PDSS2: variants seen among roughly 807,000 people sequenced by gnomAD.
The protein encoded by PDSS2 is decaprenyl diphosphate synthase subunit 2, also known as all trans-polyprenyl-diphosphate synthase PDSS2.
Under a neutral mutation model 44.5 loss-of-function variants are expected in PDSS2, and 31 were observed. The ratio of observed to expected loss-of-function variants is 0.70; its 90% CI spans 0.52 to 0.94. The LOEUF is 0.94. PDSS2 is among the 40% of genes least tolerant of loss of function. The pLI, the probability that PDSS2 is intolerant of heterozygous loss-of-function variation, is 0.00. For missense variants in PDSS2, 452 were observed against 482.2 expected (o/e 0.94, Z 0.59); for synonymous variants, 157 against 180.3 (o/e 0.87, Z 1.03).
chr6:107,315,943 A>C (rs573238121), intron 2 of PDSS2, among the ~76,000 whole-genome samples: 1 of 152,344 alleles, frequency 6.6e-6, no homozygotes, highest in Admixed American at 6.5e-5. Flanking sequence ...AAATCCTTTA[A>C]AAATGCTCTT....
intron 1 of PDSS2, among the ~76,000 whole-genome samples, chr6:107,447,177 C>CA (rs1232207910): frequency 1.2e-3 from 175 of 150,988 alleles, no homozygotes; most frequent in African/African-American, 3.7e-3. Flanking sequence ...ATTAAAAATA[C>CA]AAAAAAAAAT....
At chr6:107,368,684 T>A (rs1037228332) in intron 1 of PDSS2, among the ~76,000 whole-genome samples, 5 of 151,978 alleles carry the variant, frequency 3.3e-5, no homozygotes, top group African/African-American at 1.2e-4. Context: ...CAAGACCCCA[T>A]TCTCTACAAA....
intron 7 of PDSS2, among the ~76,000 whole-genome samples, chr6:107,174,718 CTTAA>C (rs1478984014): frequency 2.0e-5 from 3 of 152,114 alleles, no homozygotes; most frequent in African/African-American, 7.2e-5. Context: ...ATTCACCGAT[CTTAA>C]TTAAACATCT....
At chr6:107,257,104 T>C (rs1030660447) in intron 3 of PDSS2, among the ~76,000 whole-genome samples, 1 of 150,252 alleles carries the variant, frequency 6.7e-6, no homozygotes, top group African/African-American at 2.5e-5. Flanking sequence ...CTCTAGAACC[T>C]TGGAAGTGGA....
rs1773725029 is a variant in PDSS2 at position 107,224,618 on chromosome 6, A to G, written c.703-12336T>C. On this transcript the variant is annotated intron_variant, in intron 4 of 7. Transcript: ENST00000369037. ...AGAGTAAAATATATATAGAGAGAGT[A>G]AAATATACATCTTCACTTATATGCA... Among the ~76,000 whole-genome samples, 4 of 151,412 alleles carry G rather than the reference A, an allele frequency of 2.6e-5. No individual in the cohort carries two copies. In the South Asian group the frequency reaches 8.3e-4, roughly 31 times the overall value.
intron 2 of PDSS2, among the ~76,000 whole-genome samples, chr6:107,312,941 T>C (rs1341331753): frequency 6.6e-6 from 1 of 152,190 alleles, no homozygotes; most frequent in African/African-American, 2.4e-5. Context: ...TTTACAAAAT[T>C]TGCCTAGACA....
chr6:107,200,497 T>C (rs1282192707), intron 6 of PDSS2, among the ~76,000 whole-genome samples: 4 of 152,184 alleles, frequency 2.6e-5, no homozygotes, highest in Admixed American at 2.0e-4. Context: ...GTCTGGCCTA[T>C]GTCTAATGTC....
chr6:107,399,912 T>C (rs1254238983), intron 1 of PDSS2, among the ~76,000 whole-genome samples: 1 of 152,118 alleles, frequency 6.6e-6, no homozygotes, highest in Admixed American at 6.6e-5. Flanking sequence ...AAATAGTGTG[T>C]AGAGATTCAT....
chr6:107,313,767 T>G (rs1342080816), intron 2 of PDSS2, among the ~76,000 whole-genome samples: 1 of 152,228 alleles, frequency 6.6e-6, no homozygotes, highest in Non-Finnish European at 1.5e-5. Context: ...TTAAAATGGT[T>G]CATATTTCCT....
intron 4 of PDSS2, among the ~76,000 whole-genome samples, chr6:107,226,681 T>C (rs1173429028): frequency 1.3e-5 from 2 of 150,864 alleles, no homozygotes; most frequent in Non-Finnish European, 3.0e-5. Context: ...TTTTTTTTTT[T>C]TTTTTTGAGA....
chr6:107,351,782 T>A (rs1434303464), intron 1 of PDSS2, among the ~76,000 whole-genome samples: 1 of 152,188 alleles, frequency 6.6e-6, no homozygotes, highest in East Asian at 1.9e-4. Flanking sequence ...AAAAAAGCTA[T>A]TATTCTCTAT....
chr6:107,255,987 A>AT (rs942016422), intron 3 of PDSS2, among the ~76,000 whole-genome samples: 15 of 151,332 alleles, frequency 9.9e-5, no homozygotes, highest in Non-Finnish European at 1.0e-4. Flanking sequence ...GCTTAGCTTC[A>AT]TTTTTTTTGT....
At chr6:107,244,151 A>C (rs1241692484) in intron 4 of PDSS2, among the ~76,000 whole-genome samples, 1 of 152,122 alleles carries the variant, frequency 6.6e-6, no homozygotes, top group Non-Finnish European at 1.5e-5. Context: ...AAAACAAAAC[A>C]AAAAAAGAGT....
At chr6:107,392,150 C>T (rs2114533087) in intron 1 of PDSS2, among the ~76,000 whole-genome samples, 1 of 152,242 alleles carries the variant, frequency 6.6e-6, no homozygotes, top group South Asian at 2.1e-4. Context: ...TCACCTAAAA[C>T]ATACCTAATA....
chr6:107,259,865 T>C (rs912299247), intron 3 of PDSS2, among the ~76,000 whole-genome samples: 6 of 151,886 alleles, frequency 4.0e-5, no homozygotes, highest in Admixed American at 1.3e-4. Flanking sequence ...TCCCCAAGAG[T>C]GTAGCTAAAA....
rs76388991 is a variant in PDSS2, at chr6:107,256,427, T to C, written c.631-10808A>G. ...CAAATTCCAGTGCTGCCATGTCTTT[T>C]GGGTAACACAGTTCACTTTCCAGCT... On this transcript the variant is annotated intron_variant, in intron 3 of 7. Transcript: ENST00000369037. Among the ~76,000 whole-genome samples the C allele has an allele frequency of 9.1e-3, 1,386 of 152,294 alleles. 18 individuals carry two copies. Among genetic ancestry groups the C allele is most frequent in the African/African-American group, 0.032 (1,321 of 41,560 alleles).
chr6:107,307,647 G>A (rs1285434392), intron 2 of PDSS2, among the ~76,000 whole-genome samples: 2 of 151,630 alleles, frequency 1.3e-5, no homozygotes, highest in African/African-American at 2.4e-5. Flanking sequence ...ATTTCTTGTG[G>A]GTATTATATT....
intron 1 of PDSS2, among the ~76,000 whole-genome samples, chr6:107,439,740 T>C (rs180911361): frequency 2.0e-5 from 3 of 152,308 alleles, no homozygotes; most frequent in Non-Finnish European, 4.4e-5. Flanking sequence ...GGTCAGTATC[T>C]ACATGGTAAT....
chr6:107,383,158 G>A (rs917935589), intron 1 of PDSS2, among the ~76,000 whole-genome samples: 5 of 151,500 alleles, frequency 3.3e-5, no homozygotes, highest in African/African-American at 1.2e-4. Flanking sequence ...AATTAGCCAG[G>A]CATGGTGGTG....
Sources: allele counts gnomAD v4.1 joint callset (sites outside exome capture counted in the v4.1 genomes callset), GRCh38; gene constraint gnomAD v4.1.1; transcripts MANE v1.5; gene names NCBI Gene and HGNC (gene_info 2026-07-23, HGNC 2026-07-21).